Variants in C12orf56 observed in about 807,000 individuals in gnomAD.
C12orf56 encodes the protein chromosome 12 open reading frame 56, also known as uncharacterized protein C12orf56.
In C12orf56, 71 loss-of-function variants were observed where a neutral mutation model predicts 69.9. That is an observed-to-expected ratio of 1.02 (90% confidence interval 0.84 to 1.24). The LOEUF (loss-of-function observed/expected upper bound fraction) is 1.24, where lower values mean the gene tolerates loss of function less well. Ranked by LOEUF, C12orf56 falls within the 50% of genes most tolerant of loss-of-function variation. The probability of loss-of-function intolerance (pLI) is 0.00; values close to 1 mark genes in which losing one functional copy is unlikely to be tolerated. For synonymous variants in C12orf56, 276 were observed against 274.1 expected (o/e 1.01, Z -0.07); for missense variants, 732 against 738.5 (o/e 0.99, Z 0.10).
intron 1 of C12orf56, among the ~76,000 whole-genome samples, chr12:64,356,134 A>G (rs1418100384): frequency 7.2e-6 from 1 of 138,856 alleles, no homozygotes; most frequent in Non-Finnish European, 1.5e-5. Flanking sequence ...ATTGCACTTC[A>G]GCCTGGGCCT....
chr12:64,342,016 C>G (rs1456809529), intron 2 of C12orf56, among the ~76,000 whole-genome samples: 1 of 152,130 alleles, frequency 6.6e-6, no homozygotes, highest in Non-Finnish European at 1.5e-5. Flanking sequence ...AATGGGTCAT[C>G]CTATCCACTT....
chr12:64,370,447 T>C (rs2039555606), intron 1 of C12orf56, among the ~76,000 whole-genome samples: 1 of 151,432 alleles, frequency 6.6e-6, no homozygotes, highest in South Asian at 2.1e-4. Context: ...GGTCAGGAGT[T>C]TGAGACCAGC....
chr12:64,330,896 C>A, intron 3 of C12orf56, 64 bp downstream of exon 3: 1 of 1,350,986 alleles, frequency 7.4e-7, no homozygotes. Flanking sequence ...TTAAGAAAAA[C>A]AAGTTACAAT....
intron 1 of C12orf56, among the ~76,000 whole-genome samples, chr12:64,356,559 G>C (rs1298645030): frequency 6.6e-6 from 1 of 152,170 alleles, no homozygotes; most frequent in East Asian, 1.9e-4. Context: ...AATTTAAAGA[G>C]AGCAGGAGTA....
chr12:64,323,565 C>CTTTTTTTTTTTT (rs375927934), intron 3 of C12orf56, among the ~76,000 whole-genome samples: 18 of 130,824 alleles, frequency 1.4e-4, no homozygotes, highest in Admixed American at 2.4e-4. Context: ...CAAACATTTC[C>CTTTTTTTTTTTT]TTTTTTTTTT....
intron 2 of C12orf56, among the ~76,000 whole-genome samples, chr12:64,337,910 T>C (rs2039018668): frequency 6.7e-6 from 1 of 148,806 alleles, no homozygotes; most frequent in South Asian, 2.1e-4. Flanking sequence ...AAAGGCAACC[T>C]CTTTATACCA....
intron 2 of C12orf56, among the ~76,000 whole-genome samples, 197 bp from the exon 3 acceptor site, chr12:64,331,229 G>A (rs2038926715): frequency 1.3e-5 from 2 of 152,136 alleles, no homozygotes; most frequent in Admixed American, 1.3e-4. Flanking sequence ...GGCCAAGCAC[G>A]GTGGCTCACA....
intron 9 of C12orf56, among the ~76,000 whole-genome samples, chr12:64,276,013 G>A (rs919426260): frequency 3.6e-5 from 5 of 137,456 alleles, no homozygotes; most frequent in East Asian, 2.1e-4. Context: ...CCCCCCCCGC[G>A]AGTTGAGGTG....
intron 1 of C12orf56, among the ~76,000 whole-genome samples, chr12:64,354,156 C>T (rs11175353): frequency 2.0e-5 from 3 of 152,126 alleles, no homozygotes; most frequent in East Asian, 1.9e-4. Context: ...TTCTCTCCAA[C>T]GTGCTCTGTT....
chr12:64,380,115 A>AAAAAAAAAAC (rs2039696100), intron 1 of C12orf56, among the ~76,000 whole-genome samples: 1 of 77,056 alleles, frequency 1.3e-5, no homozygotes, highest in African/African-American at 4.2e-5. Flanking sequence ...AAAAAAAAAA[A>AAAAAAAAAAC]AAAAAAAAAA....
chr12:64,278,655 T>TTA (rs1386721724), intron 8 of C12orf56, among the ~76,000 whole-genome samples: 2 of 152,216 alleles, frequency 1.3e-5, no homozygotes, highest in Non-Finnish European at 2.9e-5. Flanking sequence ...GACATTGCTA[T>TTA]TAACTATGGT....
At position 64,312,762 on chromosome 12, in the gene C12orf56, G is replaced by C. The variant is rs1161535742; in HGVS notation, c.895-10C>G. On this transcript the variant is annotated splice_polypyrimidine_tract_variant and intron_variant, in intron 4 of 12. Coordinates refer to ENST00000543942, the MANE Select transcript of C12orf56 (RefSeq NM_001170633.2). ...GTAAAAGAGTAGCTTTCTGAAAAAGGAAAAAGTAGAAATTGTTAGAATTTT... is the reference window on the plus strand; with the variant it reads ...GTAAAAGAGTAGCTTTCTGAAAAAGCAAAAAGTAGAAATTGTTAGAATTTT... The C allele has an allele frequency of 5.9e-6, 9 of 1,522,076 alleles. No homozygotes were observed. In the Admixed American group the frequency reaches 1.6e-4, roughly 27 times the overall value. 94.3% of individuals were successfully genotyped at this position (1,522,076 alleles called of 1,614,324 possible). A position where few individuals can be genotyped will look rare whatever the true frequency, so the allele number is the denominator to read the frequency against.
chr12:64,376,321 C>G (rs549602782), intron 1 of C12orf56, among the ~76,000 whole-genome samples: 1 of 152,106 alleles, frequency 6.6e-6, no homozygotes, highest in African/African-American at 2.4e-5. Flanking sequence ...TCCAAGAGTT[C>G]GTTGGGCCCC....
chr12:64,375,835 T>G (rs914236999), intron 1 of C12orf56, among the ~76,000 whole-genome samples: 1 of 152,206 alleles, frequency 6.6e-6, no homozygotes, highest in Admixed American at 6.5e-5. Context: ...GTTTTTCTGA[T>G]TGGATTGTGA....
At chr12:64,271,963 T>C (rs2037995573) in intron 11 of C12orf56, among the ~76,000 whole-genome samples, 1 of 152,212 alleles carries the variant, frequency 6.6e-6, no homozygotes, top group South Asian at 2.1e-4. Context: ...ATTGAAGCTT[T>C]CTTTTGCCAA....
rs76649636 is a variant in C12orf56 at position 64,293,545 on chromosome 12, CG to C, written c.1114-7486del. On this transcript the variant is annotated intron_variant, in intron 6 of 12. Transcript: ENST00000543942. ...TATCACCTCATGGGGTTGATTTAAACGTAAGTTTAAATAAGATAGTATGTAT... is the reference window on the plus strand; with the variant it reads ...TATCACCTCATGGGGTTGATTTAAACTAAGTTTAAATAAGATAGTATGTAT... Among the ~76,000 whole-genome samples, 998 of 152,078 alleles carry C rather than the reference CG, an allele frequency of 6.6e-3. 36 individuals are homozygous for C. In the East Asian group the frequency reaches 0.11, roughly 16 times the overall value.
rs555301008 is a variant in C12orf56, at chr12:64,309,488, A to G, written c.968+3191T>C. Among the ~76,000 whole-genome samples, 114 of 102,580 alleles carry G rather than the reference A, an allele frequency of 1.1e-3. 2 individuals carry two copies. Among genetic ancestry groups the G allele is most frequent in the African/African-American group, 3.8e-3 (107 of 28,338 alleles). The allele number at this position is 102,580 out of a possible 152,430, so 67.3% of individuals were successfully genotyped here. A position where few individuals can be genotyped will look rare whatever the true frequency, so the allele number is the denominator to read the frequency against. On this transcript the variant is annotated intron_variant, in intron 5 of 12. Transcript: ENST00000543942. ...TCCTTTTTAAGACTAGCATACTCAC[A>G]CTGTTTTTTTGTTTGTTTGTTTGTT...
chr12:64,309,174 A>G (rs892082539), intron 5 of C12orf56, among the ~76,000 whole-genome samples: 5 of 152,210 alleles, frequency 3.3e-5, no homozygotes, highest in African/African-American at 4.8e-5. Context: ...TTAGGTGTAC[A>G]ATTCAGTGGC....
At chr12:64,295,839 A>G (rs2038357915) in intron 6 of C12orf56, among the ~76,000 whole-genome samples, 1 of 151,176 alleles carries the variant, frequency 6.6e-6, no homozygotes, top group Non-Finnish European at 1.5e-5. Context: ...ATATCACTCT[A>G]TATTATAGCG....
Sources: allele counts gnomAD v4.1 joint callset (sites outside exome capture counted in the v4.1 genomes callset), GRCh38; gene constraint gnomAD v4.1.1; transcripts MANE v1.5; gene names NCBI Gene and HGNC (gene_info 2026-07-23, HGNC 2026-07-21).